The following CNR2 variants were observed in gnomAD, a reference collection of about 807,000 sequenced individuals.
The protein encoded by CNR2 is cannabinoid receptor 2 (macrophage).
For synonymous variants in CNR2, 172 were observed against 182.2 expected, an observed-to-expected ratio of 0.94 and a Z score of 0.45; for missense variants, 379 against 439.9, an observed-to-expected ratio of 0.86 and a Z score of 1.24.
intron 1 of CNR2, among the ~76,000 whole-genome samples, chr1:23,882,409 A>G (rs954166864): frequency 1.3e-5 from 2 of 152,188 alleles, no homozygotes; most frequent in African/African-American, 4.8e-5. Flanking sequence ...AAAATTCATA[A>G]AGGCGATTAG....
At chr1:23,880,629 G>A (rs537306505) in intron 1 of CNR2, among the ~76,000 whole-genome samples, 10 of 151,896 alleles carry the variant, frequency 6.6e-5, no homozygotes, top group South Asian at 6.2e-4. Context: ...GCAATGGCGC[G>A]ATCTTGGCTC....
intron 1 of CNR2, among the ~76,000 whole-genome samples, chr1:23,903,971 G>A (rs760481792): frequency 5.9e-5 from 9 of 152,104 alleles, no homozygotes; most frequent in Non-Finnish European, 1.0e-4. Flanking sequence ...TGGCTCCTGC[G>A]GCTTTCTCCC....
At position 23,874,270 on chromosome 1, in the gene CNR2, G is replaced by A. The variant is rs992870194; in HGVS notation, c.*265C>T. 5 of 413,896 alleles carry A rather than the reference G, an allele frequency of 1.2e-5. No individual in the cohort carries two copies. The highest frequency in any genetic ancestry group is 2.2e-5 in the Non-Finnish European group (5 of 224,680). The allele number at this position is 413,896 out of a possible 1,614,324, so 25.6% of individuals were successfully genotyped here. A position where few individuals can be genotyped will look rare whatever the true frequency, so the allele number is the denominator to read the frequency against. ...AGGATGCAGGCATGAAGCCTGACCTGACTTGTACTGACCCTGTCCCAGGCC... is the reference window on the plus strand; with the variant it reads ...AGGATGCAGGCATGAAGCCTGACCTAACTTGTACTGACCCTGTCCCAGGCC... On this transcript the variant is annotated 3_prime_UTR_variant, in exon 2 of 2. Transcript: ENST00000374472.
chr1:23,891,275 T>TTGTGTGTGTGTGTGTGTG (rs57856234), intron 1 of CNR2, among the ~76,000 whole-genome samples: 21 of 150,434 alleles, frequency 1.4e-4, no homozygotes, highest in African/African-American at 4.4e-4. Context: ...ACCAAATCTT[T>TTGTGTGTGTGTGTGTGTG]TGTGTGTGTG....
intron 1 of CNR2, among the ~76,000 whole-genome samples, chr1:23,908,331 G>A (rs1640532030): frequency 6.6e-6 from 1 of 151,980 alleles, no homozygotes; most frequent in Non-Finnish European, 1.5e-5. Context: ...ATCTTGCTCT[G>A]TCACCCAGGC....
At chr1:23,904,642 A>T (rs933970495) in intron 1 of CNR2, among the ~76,000 whole-genome samples, 3 of 152,166 alleles carry the variant, frequency 2.0e-5, no homozygotes, top group Admixed American at 2.0e-4. Flanking sequence ...TCTGTCAGCC[A>T]TCGGGAAGTA....
intron 1 of CNR2, among the ~76,000 whole-genome samples, chr1:23,892,157 A>G (rs1640203253): frequency 6.6e-6 from 1 of 152,182 alleles, no homozygotes; most frequent in Non-Finnish European, 1.5e-5. Context: ...CCTGAAGCAG[A>G]GTGTGAACTA....
intron 1 of CNR2, among the ~76,000 whole-genome samples, chr1:23,881,717 C>T (rs182836186): frequency 1.3e-5 from 2 of 151,116 alleles, no homozygotes; most frequent in Admixed American, 6.6e-5. Flanking sequence ...GAAGAAACCT[C>T]GTCTCTACTA....
rs1426500834 is a variant in CNR2 at position 23,874,570 on chromosome 1, G to A, written c.1048C>T (p.Pro350Ser). 1.9e-6 allele frequency: 3 copies of A among 1,613,972 alleles called. No homozygotes were observed. The South Asian group carries it at 3.3e-5, about 18-fold the overall frequency. The change falls in exon 2 of 2, where the codon CCA becomes TCA. Residue 350 changes from proline (P) to serine (S), a missense_variant. Transcript: ENST00000374472. ...TEADGKITPW[P>S]DSRDLDLSDC is the part of the protein sequence containing the mutation. ...GAGAGGTCTAGATCTCTGGAATCTG[G>A]CCACGGAGTGATTTTCCCATCAGCC...
At chr1:23,889,250 A>G (rs777913962) in intron 1 of CNR2, among the ~76,000 whole-genome samples, 1 of 152,130 alleles carries the variant, frequency 6.6e-6, no homozygotes, top group Non-Finnish European at 1.5e-5. Context: ...AAGCCACAGT[A>G]GCGGCTGGTC....
chr1:23,904,914 C>T (rs1026524088), intron 1 of CNR2, among the ~76,000 whole-genome samples: 1 of 152,196 alleles, frequency 6.6e-6, no homozygotes, highest in African/African-American at 2.4e-5. Flanking sequence ...CACTCTACCT[C>T]TTCCTGGTTT....
At chr1:23,906,532 T>C (rs1640487850) in intron 1 of CNR2, among the ~76,000 whole-genome samples, 1 of 125,288 alleles carries the variant, frequency 8.0e-6, no homozygotes, top group South Asian at 2.8e-4. Flanking sequence ...TTCCTATCTT[T>C]CTTTTTTTTC....
At chr1:23,902,682 A>G in intron 1 of CNR2, 1 of 1,593,962 alleles carries the variant, frequency 6.3e-7, no homozygotes. Flanking sequence ...GACAAAGTGC[A>G]CGTCGGCCAC....
chr1:23,896,225 G>A (rs1050066632), intron 1 of CNR2, among the ~76,000 whole-genome samples: 4 of 152,088 alleles, frequency 2.6e-5, no homozygotes, highest in Admixed American at 6.6e-5. Context: ...CCTTCTCACC[G>A]ACAAGGATTT....
chr1:23,902,564 T>C, intron 1 of CNR2: 1 of 1,608,198 alleles, frequency 6.2e-7, no homozygotes, highest in Non-Finnish European at 8.5e-7. Flanking sequence ...GAATTTCAGA[T>C]TTGACTTCCG....
At chr1:23,877,162 T>A (rs1459541705) in intron 1 of CNR2, among the ~76,000 whole-genome samples, 2 of 151,944 alleles carry the variant, frequency 1.3e-5, no homozygotes, top group African/African-American at 4.8e-5. Flanking sequence ...AAAAAAAGTC[T>A]GATATAAAAA....
chr1:23,883,805 A>G (rs1640033359), intron 1 of CNR2, among the ~76,000 whole-genome samples: 2 of 152,178 alleles, frequency 1.3e-5, no homozygotes. Flanking sequence ...AGTCTGGGTG[A>G]CAGAGCAAGA....
At chr1:23,884,418 G>A (rs1640051272) in intron 1 of CNR2, among the ~76,000 whole-genome samples, 1 of 48,506 alleles carries the variant, frequency 2.1e-5, no homozygotes, top group Non-Finnish European at 5.0e-5. Flanking sequence ...CGATTCTCAT[G>A]CCTCAGCCTC....
At chr1:23,875,809 G>T (rs755366837) in intron 1 of CNR2, 147 bp from the exon 2 acceptor site, 13 of 699,118 alleles carry the variant, frequency 1.9e-5, no homozygotes, top group Non-Finnish European at 2.9e-5. Context: ...CCTGTATTTT[G>T]CCCTTTCTCC....
Sources: gnomAD v4.1 joint callset for allele counts (sites outside exome capture counted in the v4.1 genomes callset) on GRCh38, gnomAD v4.1.1 for gene constraint, MANE v1.5 for transcripts, NCBI Gene and HGNC (gene_info 2026-07-23, HGNC 2026-07-21) for gene names.